The following RYR2 variants were observed in gnomAD, a reference collection of about 807,000 sequenced individuals.
RYR2 encodes the protein ryanodine receptor 2.
RYR2 carries 227 observed loss-of-function variants against 601.1 expected under a neutral mutation model. The ratio of observed to expected loss-of-function variants is 0.38; its 90% CI spans 0.34 to 0.42. RYR2 has a LOEUF of 0.42. RYR2 is among the 10% of genes least tolerant of loss of function. The probability of loss-of-function intolerance (pLI) is 1.00; values close to 1 mark genes in which losing one functional copy is unlikely to be tolerated. For missense variants in RYR2, 4,646 were observed against 6,156.5 expected (o/e 0.75, Z 8.21); for synonymous variants, 2,223 against 2,175.1 (o/e 1.02, Z -0.61).
intron 1 of RYR2, among the ~76,000 whole-genome samples, chr1:237,143,219 C>T (rs1033364380): frequency 3.3e-5 from 5 of 152,102 alleles, no homozygotes; most frequent in Admixed American, 3.3e-4. Context: ...TTGAGTCATT[C>T]CTTGAAAACT....
intron 79 of RYR2, among the ~76,000 whole-genome samples, chr1:237,741,465 C>A (rs1171351807): frequency 6.6e-6 from 1 of 152,142 alleles, no homozygotes; most frequent in South Asian, 2.1e-4. Flanking sequence ...AACAATCTAA[C>A]TTTGATGAGC....
chr1:237,367,241 G>A (rs889215671), intron 5 of RYR2, among the ~76,000 whole-genome samples: 10 of 152,004 alleles, frequency 6.6e-5, no homozygotes, highest in East Asian at 3.9e-4. Context: ...GATTACAGGC[G>A]CCCGCCACCA....
rs1688274907 is a variant in RYR2 at position 237,705,243 on chromosome 1, T to G, written c.9480T>G (p.Ala3160=). ...RQRSALGECL[A]AFAGAFPVAF... ...GTTCTGCATTAGGAGAATGTCTAGC[T>G]GCCTTTGCTGGTGCTTTTCCTGTAG... Residue 3160 remains alanine (A), a synonymous_variant, in exon 67 of 105, where the codon GCT becomes GCG. Transcript: ENST00000366574. 1 of 1,607,796 alleles carries G rather than the reference T, an allele frequency of 6.2e-7. No homozygotes were observed. Among genetic ancestry groups the G allele is most frequent in the South Asian group, 1.1e-5 (1 of 89,828 alleles).
At position 237,503,263 on chromosome 1, in the gene RYR2, T is replaced by C. The variant is rs371321230; in HGVS notation, c.2397-26T>C. On this transcript the variant is annotated intron_variant, in intron 21 of 104. Transcript: ENST00000366574. ...ACTTTAATGTACACCAGAGATAAAATTGACTCTAACGTGCATCCTCTTTAG... is the reference window on the plus strand; with the variant it reads ...ACTTTAATGTACACCAGAGATAAAACTGACTCTAACGTGCATCCTCTTTAG... The C allele has an allele frequency of 1.2e-5, 19 of 1,559,552 alleles. No homozygotes were observed. The African/African-American group carries it at 2.4e-4, about 20-fold the overall frequency.
intron 101 of RYR2, among the ~76,000 whole-genome samples, chr1:237,827,627 CAAAAAAAAAA>C (rs55896893): frequency 1.3e-5 from 1 of 79,444 alleles, no homozygotes; most frequent in Non-Finnish European, 2.5e-5. Flanking sequence ...AAGACTGTCT[CAAAAAAAAAA>C]AAAAAAAAAA....
chr1:237,681,463 A>G (rs1249549454), intron 62 of RYR2, among the ~76,000 whole-genome samples: 2 of 152,148 alleles, frequency 1.3e-5, no homozygotes, highest in Non-Finnish European at 1.5e-5. Context: ...CTGGAGTGGA[A>G]TTGTCAGTTC....
At chr1:237,516,931 G>A (rs115067395) in intron 24 of RYR2, among the ~76,000 whole-genome samples, 42 of 152,208 alleles carry the variant, frequency 2.8e-4, no homozygotes, top group African/African-American at 9.9e-4. Flanking sequence ...CCCACTTGCC[G>A]TCTTTATTCT....
chr1:237,119,766 G>T (rs1572701622), intron 1 of RYR2, among the ~76,000 whole-genome samples: 1 of 152,290 alleles, frequency 6.6e-6, no homozygotes, highest in Non-Finnish European at 1.5e-5. Context: ...GAGACCTGGG[G>T]GAAAGCCTTT....
chr1:237,570,701 A>AT (rs1443170718), intron 29 of RYR2, among the ~76,000 whole-genome samples: 1 of 152,148 alleles, frequency 6.6e-6, no homozygotes, highest in Non-Finnish European at 1.5e-5. Context: ...AAAGGGCTCA[A>AT]TTCCCTCAGG....
At chr1:237,727,016 G>A in intron 75 of RYR2, 71 bp from the exon 76 acceptor site, 1 of 806,024 alleles carries the variant, frequency 1.2e-6, no homozygotes, top group Non-Finnish European at 2.2e-6. Flanking sequence ...AGATAGTTTG[G>A]GGTGTAAATA....
At chr1:237,699,970 A>T (rs1346096136) in intron 64 of RYR2, among the ~76,000 whole-genome samples, 1 of 152,248 alleles carries the variant, frequency 6.6e-6, no homozygotes, top group African/African-American at 2.4e-5. Flanking sequence ...CGTTAGTGAT[A>T]AGCATACAGC....
rs115745807 is a variant in RYR2 at position 237,744,954 on chromosome 1, G to A, written c.11145+2605G>A. Among the ~76,000 whole-genome samples the A allele has an allele frequency of 4.8e-3, 734 of 151,634 alleles. 7 individuals carry two copies. Among genetic ancestry groups the A allele is most frequent in the African/African-American group, 0.017 (695 of 41,386 alleles). ...TAGGACTACAGTGGCGCGCCACCAC[G>A]CCCGGCTAAGCTAATTTTTTGTATT... On this transcript the variant is annotated intron_variant, in intron 80 of 104. Transcript: ENST00000366574.
intron 104 of RYR2, 47 bp downstream of exon 104, chr1:237,831,612 G>A (rs1479491661): frequency 8.9e-7 from 1 of 1,128,678 alleles, no homozygotes; most frequent in African/African-American, 1.5e-5. Context: ...TGATAGAGAA[G>A]CTCTAAATAT....
At chr1:237,396,348 A>C (rs572243625) in intron 10 of RYR2, among the ~76,000 whole-genome samples, 1 of 152,316 alleles carries the variant, frequency 6.6e-6, no homozygotes, top group South Asian at 2.1e-4. Context: ...GAGTCTCTGG[A>C]CCAATAGAAT....
At chr1:237,536,109 A>G (rs1297629538) in intron 25 of RYR2, among the ~76,000 whole-genome samples, 1 of 152,250 alleles carries the variant, frequency 6.6e-6, no homozygotes, top group African/African-American at 2.4e-5. Context: ...CCAAATTGTC[A>G]TCAATAGCAG....
chr1:237,068,599 C>T (rs1278943064), intron 1 of RYR2, among the ~76,000 whole-genome samples: 1 of 152,174 alleles, frequency 6.6e-6, no homozygotes. Flanking sequence ...TTAATTTAGT[C>T]TCATCTACCC....
chr1:237,282,303 C>T (rs1401572963), intron 2 of RYR2, among the ~76,000 whole-genome samples: 3 of 151,750 alleles, frequency 2.0e-5, no homozygotes, highest in Non-Finnish European at 4.4e-5. Context: ...CATATGTAAA[C>T]AGATGAACAT....
chr1:237,831,481 G>C (rs767345379), intron 103 of RYR2, 33 bp from the exon 104 acceptor site: 21 of 1,208,646 alleles, frequency 1.7e-5, no homozygotes, highest in Non-Finnish European at 2.4e-5. Flanking sequence ...TTTCCATACC[G>C]TTCATTTCTG....
chr1:237,361,474 G>C (rs1304228718), intron 4 of RYR2, among the ~76,000 whole-genome samples: 3 of 152,166 alleles, frequency 2.0e-5, no homozygotes, highest in Non-Finnish European at 4.4e-5. Context: ...GTACAGAGTA[G>C]GGTATTTTGC....
Sources: allele counts gnomAD v4.1 joint callset (sites outside exome capture counted in the v4.1 genomes callset), GRCh38; gene constraint gnomAD v4.1.1; transcripts MANE v1.5; gene names NCBI Gene and HGNC (gene_info 2026-07-23, HGNC 2026-07-21).